SEC23A: variants seen among roughly 807,000 people sequenced by gnomAD.
SEC23A encodes the protein protein transport protein Sec23A.
A neutral mutation model predicts 103.7 loss-of-function variants in SEC23A; 56 were observed. The observed-to-expected ratio is 0.54, with a 90% confidence interval of 0.44 to 0.67. SEC23A has a LOEUF of 0.67. Ranked by LOEUF, SEC23A falls within the 30% of genes least tolerant of loss-of-function variation. The pLI is 0.00. For synonymous variants in SEC23A, 281 were observed against 293.0 expected (o/e 0.96, Z 0.42); for missense variants, 784 against 936.4 (o/e 0.84, Z 2.12).
chr14:39,086,337 A>G (rs773425305), intron 6 of SEC23A, among the ~76,000 whole-genome samples: 2 of 152,196 alleles, frequency 1.3e-5, no homozygotes, highest in Non-Finnish European at 2.9e-5. Flanking sequence ...CTCTGATTAG[A>G]AAGCTTAGGG....
chr14:39,079,322 T>C (rs1027862624), intron 7 of SEC23A, among the ~76,000 whole-genome samples: 4 of 152,194 alleles, frequency 2.6e-5, no homozygotes, highest in Non-Finnish European at 5.9e-5. Flanking sequence ...AGATATCCTA[T>C]GACTTTTACA....
At position 39,091,527 on chromosome 14, in the gene SEC23A, T is replaced by C; in HGVS notation, c.553A>G (p.Lys185Glu). The C allele has an allele frequency of 1.9e-6, 3 of 1,614,024 alleles. No individual in the cohort carries two copies. Among genetic ancestry groups the C allele is most frequent in the African/African-American group, 2.7e-5 (2 of 75,044 alleles). The change falls in exon 5 of 20, where the codon AAA becomes GAA. Residue 185 changes from lysine (K) to glutamate (E), a missense_variant. Coordinates refer to ENST00000307712, the MANE Select transcript of SEC23A (RefSeq NM_006364.4). ...VHELGCEGIS[K>E]SYVFRGTKDL... ...TTTGTTCCTCTGAAGACATAGCTTT[T>C]TGAAATGCCTTCACATCCAAGTTCA...
At chr14:39,087,834 T>C (rs972558056) in intron 5 of SEC23A, 8 of 152,186 alleles carry the variant, frequency 5.3e-5, no homozygotes, top group African/African-American at 1.7e-4. Flanking sequence ...TATTCTATGC[T>C]AAAACCTTTA....
At position 39,076,133 on chromosome 14, in the gene SEC23A, G is replaced by T. The variant is rs188816073; in HGVS notation, c.829-40C>A. 1.0e-5 allele frequency: 14 copies of T among 1,402,518 alleles called. No individual in the cohort carries two copies. In the East Asian group the frequency reaches 3.2e-4, roughly 32 times the overall value. 86.9% of individuals were successfully genotyped at this position (1,402,518 alleles called of 1,614,324 possible). Reference sequence around the variant, plus strand: ...GTCAAGAGTTTAAAAGAAAACATATGAATATACATTTCTGATAATAATTTT... The same window carrying T: ...GTCAAGAGTTTAAAAGAAAACATATTAATATACATTTCTGATAATAATTTT... On this transcript the variant is annotated intron_variant, in intron 7 of 19. Transcript: ENST00000307712.
intron 19 of SEC23A, among the ~76,000 whole-genome samples, chr14:39,037,157 C>T (rs935713870): frequency 2.0e-5 from 3 of 152,132 alleles, no homozygotes; most frequent in Non-Finnish European, 4.4e-5. Context: ...CAAGCATTTA[C>T]TGTGATGACT....
chr14:39,076,053 A>C lies in SEC23A; in HGVS notation c.869T>G (p.Ile290Ser), dbSNP rs758523524. 6.2e-7 allele frequency: 1 copy of C among 1,613,816 alleles called. No individual in the cohort carries two copies. Among genetic ancestry groups the C allele is most frequent in the South Asian group, 1.1e-5 (1 of 91,046 alleles). Residue 290 changes from isoleucine (I) to serine (S), a missense_variant, in exon 8 of 20, where the codon ATT becomes AGT. Physicochemically the swap from Ile to Ser is moderately radical, Grantham distance 142 (BLOSUM62 -2). This residue lies in a region of SEC23A where 683 missense variants were observed against 774.2 expected (regional missense o/e 0.88). Coordinates refer to ENST00000307712, the MANE Select transcript of SEC23A (RefSeq NM_006364.4). ...PNTGARIMMFIGGPATQGPGM... is the reference protein window; with the variant it reads ...PNTGARIMMFSGGPATQGPGM... ...AGGCCCCTGAGTAGCAGGACCACCAATGAACATCATGATACGAGCACCAGT... is the reference window on the plus strand; with the variant it reads ...AGGCCCCTGAGTAGCAGGACCACCACTGAACATCATGATACGAGCACCAGT...
At chr14:39,098,015 G>C (rs903534941) in intron 1 of SEC23A, among the ~76,000 whole-genome samples, 2 of 152,108 alleles carry the variant, frequency 1.3e-5, no homozygotes, top group Non-Finnish European at 2.9e-5. Flanking sequence ...CTTGAACTGG[G>C]GGGGCAGAGG....
At chr14:39,052,351 T>A (rs1046802590) in intron 14 of SEC23A, among the ~76,000 whole-genome samples, 3 of 151,726 alleles carry the variant, frequency 2.0e-5, no homozygotes, top group Non-Finnish European at 4.4e-5. Context: ...AAAATTGAGA[T>A]GTGAGATAAA....
At chr14:39,042,688 A>G (rs1367976825) in intron 17 of SEC23A, 98 bp downstream of exon 17, 18 of 773,840 alleles carry the variant, frequency 2.3e-5, no homozygotes, top group Middle Eastern at 6.6e-4. Flanking sequence ...ATCAAAGTTT[A>G]TCATAGATGA....
At chr14:39,080,269 C>T (rs1275682908) in intron 7 of SEC23A, among the ~76,000 whole-genome samples, 2 of 151,290 alleles carry the variant, frequency 1.3e-5, no homozygotes, top group South Asian at 2.1e-4. Flanking sequence ...CCTAGAAGAA[C>T]GACTACAGAT....
chr14:39,039,207 TA>T (rs1343729341), intron 18 of SEC23A, 111 bp from the exon 19 acceptor site: 2 of 847,340 alleles, frequency 2.4e-6, no homozygotes, highest in Admixed American at 4.7e-5. Context: ...TTGGTAAAAT[TA>T]ATTTTATTAA....
Position 39,092,622 on chromosome 14 carries a change from T to C in SEC23A, c.285A>G (p.Pro95=). Residue 95 remains proline (P), a synonymous_variant, in exon 4 of 20, where the codon CCA becomes CCG. Transcript: ENST00000307712. ...CNFCYQRNQF[P]PSYAGISELN... ...GTTCAGATATACCAGCATAACTAGG[T>C]GGAAACTACAAATAGAAAACAAACA... 6.2e-7 allele frequency: 1 copy of C among 1,604,108 alleles called. No individual in the cohort carries two copies. The highest frequency in any genetic ancestry group is 1.3e-5 in the African/African-American group (1 of 74,840).
intron 12 of SEC23A, among the ~76,000 whole-genome samples, chr14:39,063,099 G>T (rs553721444): frequency 6.6e-6 from 1 of 152,234 alleles, no homozygotes; most frequent in South Asian, 2.1e-4. Flanking sequence ...GGCTACCCAA[G>T]GTTTGGCGTT....
chr14:39,084,830 C>T (rs1043364706), intron 7 of SEC23A, among the ~76,000 whole-genome samples: 1 of 152,140 alleles, frequency 6.6e-6, no homozygotes. Context: ...GCCACCACGC[C>T]TGGCTAATTT....
intron 7 of SEC23A, among the ~76,000 whole-genome samples, chr14:39,080,314 A>G (rs1466305945): frequency 6.6e-6 from 1 of 152,252 alleles, no homozygotes; most frequent in Non-Finnish European, 1.5e-5. Context: ...ACTAAAGAAA[A>G]GAAAAAAACC....
At chr14:39,059,295 A>ACAAAC (rs1886378956) in intron 13 of SEC23A, among the ~76,000 whole-genome samples, 1 of 115,612 alleles carries the variant, frequency 8.6e-6, no homozygotes, top group Non-Finnish European at 1.9e-5. Flanking sequence ...AAAAAAAAAA[A>ACAAAC]AAAAAAAAAA....
At chr14:39,041,204 A>G (rs80007923) in intron 17 of SEC23A, 2,260 of 218,320 alleles carry the variant, frequency 0.01, 79 homozygotes, top group African/African-American at 0.05. Context: ...AAGCAATTGA[A>G]TCAATCCATA....
intron 7 of SEC23A, among the ~76,000 whole-genome samples, chr14:39,082,247 T>C (rs1403947721): frequency 6.6e-6 from 1 of 151,386 alleles, no homozygotes; most frequent in Non-Finnish European, 1.5e-5. Flanking sequence ...TACATATATA[T>C]ATGTGTATAT....
chr14:39,078,267 A>G (rs999091113), intron 7 of SEC23A, among the ~76,000 whole-genome samples: 2 of 152,122 alleles, frequency 1.3e-5, no homozygotes, highest in Admixed American at 1.3e-4. Flanking sequence ...AAAAAAAACA[A>G]AAAGTACATA....
Sources: allele counts gnomAD v4.1 joint callset (sites outside exome capture counted in the v4.1 genomes callset), GRCh38; gene constraint gnomAD v4.1.1; regional missense constraint gnomAD v4.1.1; transcripts MANE v1.5; gene names NCBI Gene and HGNC (gene_info 2026-07-23, HGNC 2026-07-21).